HMCN1: variants seen among roughly 807,000 people sequenced by gnomAD.
The protein encoded by HMCN1 is hemicentin-1.
HMCN1 carries 321 observed loss-of-function variants against 625.9 expected under a neutral mutation model. The ratio of observed to expected loss-of-function variants is 0.51; its 90% CI spans 0.47 to 0.56. The LOEUF is 0.56. Among genes scored for constraint, HMCN1 ranks in the 20% least tolerant of loss-of-function variants. The pLI is 0.00. For missense variants in HMCN1, 6,588 were observed against 6,887.3 expected (o/e 0.96, Z 1.54); for synonymous variants, 2,425 against 2,417.6 (o/e 1.00, Z -0.09).
chr1:186,035,353 T>A (rs1283889906), intron 36 of HMCN1, among the ~76,000 whole-genome samples: 1 of 152,204 alleles, frequency 6.6e-6, no homozygotes, highest in Non-Finnish European at 1.5e-5. Flanking sequence ...CATCTACTTC[T>A]GAAAACAGAC....
At chr1:186,117,182 C>A (rs1380558278) in intron 76 of HMCN1, 67 bp downstream of exon 76, 51 of 1,573,654 alleles carry the variant, frequency 3.2e-5, no homozygotes, top group Non-Finnish European at 4.1e-5. Flanking sequence ...TACTACTTTA[C>A]AAAAGGGATC....
rs995087174 is a variant in HMCN1, at chr1:186,136,555, G to A, written c.13313-113G>A. The A allele has an allele frequency of 2.1e-5, 20 of 968,240 alleles. No individual in the cohort carries two copies. In the African/African-American group the frequency reaches 2.4e-4, roughly 12 times the overall value. 60.0% of individuals were successfully genotyped at this position (968,240 alleles called of 1,614,324 possible). ...ATAATCTTAGTTGGGAAGCAACAGTGTTTTATAAACAAATCAATCACTTTT... is the reference window on the plus strand; with the variant it reads ...ATAATCTTAGTTGGGAAGCAACAGTATTTTATAAACAAATCAATCACTTTT... On this transcript the variant is annotated intron_variant, in intron 86 of 106. Coordinates refer to ENST00000271588, the MANE Select transcript of HMCN1 (RefSeq NM_031935.3).
intron 95 of HMCN1, among the ~76,000 whole-genome samples, chr1:186,152,458 GAC>G (rs1303679038): frequency 6.6e-6 from 1 of 152,204 alleles, no homozygotes; most frequent in African/African-American, 2.4e-5. Flanking sequence ...GCCAGTCACA[GAC>G]AATTCATTTT....
chr1:185,755,456 T>C (rs1182390685), intron 1 of HMCN1, among the ~76,000 whole-genome samples: 1 of 152,212 alleles, frequency 6.6e-6, no homozygotes, highest in Non-Finnish European at 1.5e-5. Flanking sequence ...AGATCTTATC[T>C]GGAAGGCTGT....
At chr1:186,140,131 ATAC>A (rs1649862053) in intron 89 of HMCN1, among the ~76,000 whole-genome samples, 1 of 152,168 alleles carries the variant, frequency 6.6e-6, no homozygotes. Flanking sequence ...TTTAACATTG[ATAC>A]TACTATTATC....
rs930522732 is a variant in HMCN1 at position 186,096,636 on chromosome 1, A to G, written c.10573+1115A>G. Among the ~76,000 whole-genome samples the G allele has an allele frequency of 2.6e-5, 4 of 152,146 alleles. No individual in the cohort carries two copies. The South Asian group carries it at 6.2e-4, about 24-fold the overall frequency. On this transcript the variant is annotated intron_variant, in intron 68 of 106. Transcript: ENST00000271588. ...AATATCCCTTATCAACATAGTTGCA[A>G]AAATGCTCAACAAAATACTAGCAAA...
At chr1:185,827,171 CAAA>C (rs756416016) in intron 1 of HMCN1, among the ~76,000 whole-genome samples, 3 of 43,184 alleles carry the variant, frequency 6.9e-5, no homozygotes, top group Non-Finnish European at 1.6e-4. Context: ...GACTCCATCT[CAAA>C]AAAAAAAAAA....
rs2102473514 is a variant in HMCN1, at chr1:186,114,687, A to G, written c.11277-132A>G. On this transcript the variant is annotated intron_variant, in intron 73 of 106. Transcript: ENST00000271588. The stretch of plus-strand genomic sequence containing the variant: ...AGCCTTTTCTTCCACCAAGGGTATC[A>G]TAAACATGTGTCATCTGAAACAGGA... 5 of 1,057,014 alleles carry G rather than the reference A, an allele frequency of 4.7e-6. No homozygotes were observed. In the South Asian group the frequency reaches 6.5e-5, roughly 14 times the overall value. 65.5% of individuals were successfully genotyped at this position (1,057,014 alleles called of 1,614,324 possible). A position where few individuals can be genotyped will look rare whatever the true frequency, so the allele number is the denominator to read the frequency against.
At chr1:186,176,013 T>C (rs992102872) in intron 103 of HMCN1, among the ~76,000 whole-genome samples, 2 of 152,192 alleles carry the variant, frequency 1.3e-5, no homozygotes, top group Admixed American at 1.3e-4. Flanking sequence ...AATTTACTAT[T>C]TTATTCTACC....
chr1:186,124,100 C>A (rs1296842992), intron 81 of HMCN1, among the ~76,000 whole-genome samples: 1 of 152,028 alleles, frequency 6.6e-6, no homozygotes, highest in Non-Finnish European at 1.5e-5. Context: ...AAATAATACT[C>A]CTTCTTCTCA....
rs546992340 is a variant in HMCN1 at position 186,065,542 on chromosome 1, G to A, written c.7705+113G>A. 86 of 690,364 alleles carry A rather than the reference G, an allele frequency of 1.2e-4. No individual in the cohort carries two copies. In the South Asian group the frequency reaches 1.6e-3, roughly 13 times the overall value. The allele number at this position is 690,364 out of a possible 1,614,324, so 42.8% of individuals were successfully genotyped here. ...CCGTCGTAGAATTTCATCATGTAAG[G>A]AGGACCAGTGCTTGTGTACATTTAC... is the stretch of plus-strand genomic sequence containing the variant. On this transcript the variant is annotated intron_variant, in intron 49 of 106. Coordinates refer to ENST00000271588, the MANE Select transcript of HMCN1 (RefSeq NM_031935.3).
intron 97 of HMCN1, among the ~76,000 whole-genome samples, chr1:186,160,632 G>T (rs34107883): frequency 6.6e-6 from 1 of 151,746 alleles, no homozygotes; most frequent in Admixed American, 6.6e-5. Flanking sequence ...CTTTGTTTTC[G>T]TTGGTTTCAA....
At chr1:186,097,066 A>G (rs1195701926) in intron 68 of HMCN1, among the ~76,000 whole-genome samples, 2 of 152,150 alleles carry the variant, frequency 1.3e-5, no homozygotes, top group Non-Finnish European at 2.9e-5. Context: ...AATAAAAGAC[A>G]TCCAAATTCG....
At chr1:186,151,007 T>G (rs1322376) in intron 93 of HMCN1, among the ~76,000 whole-genome samples, 193 bp from the exon 94 acceptor site, 37,308 of 151,822 alleles carry the variant, frequency 0.25, 5,320 homozygotes, top group African/African-American at 0.39. Context: ...GATTTATGGG[T>G]GATGATGGTT....
At chr1:185,865,554 G>C (rs1312746628) in intron 3 of HMCN1, among the ~76,000 whole-genome samples, 187 bp from the exon 4 acceptor site, 1 of 147,802 alleles carries the variant, frequency 6.8e-6, no homozygotes, top group Non-Finnish European at 1.5e-5. Context: ...CTATTAAACA[G>C]AGTATAAAGT....
At chr1:186,137,422 G>T in intron 87 of HMCN1, 76 bp from the exon 88 acceptor site, 1 of 1,470,252 alleles carries the variant, frequency 6.8e-7, no homozygotes, top group Admixed American at 1.9e-5. Context: ...TGTAACCCGT[G>T]CATATCTTAA....
Position 186,076,418 on chromosome 1 carries a change from T to G in HMCN1, c.8291-10T>G, listed in dbSNP as rs762043503. The G allele has an allele frequency of 9.3e-6, 15 of 1,612,708 alleles. No homozygotes were observed. The highest frequency in any genetic ancestry group is 1.3e-5 in the Non-Finnish European group (15 of 1,179,178). On this transcript the variant is annotated splice_polypyrimidine_tract_variant and intron_variant, in intron 53 of 106. Coordinates refer to ENST00000271588, the MANE Select transcript of HMCN1 (RefSeq NM_031935.3). ...ATATGTGACCAACATTTAATGCCTT[T>G]CCTCCATAGTTCCTCCAAGTTTTCA...
intron 2 of HMCN1, among the ~76,000 whole-genome samples, chr1:185,847,411 T>C (rs1661890056): frequency 1.3e-5 from 2 of 152,192 alleles, no homozygotes; most frequent in African/African-American, 4.8e-5. Context: ...CCAAATCTTA[T>C]TCACTCTCTT....
intron 104 of HMCN1, among the ~76,000 whole-genome samples, 194 bp from the exon 105 acceptor site, chr1:186,181,974 T>C (rs986912878): frequency 3.9e-5 from 6 of 152,216 alleles, no homozygotes; most frequent in Non-Finnish European, 7.3e-5. Flanking sequence ...ACTGTGTATA[T>C]AGTACTATAT....
Sources: allele counts gnomAD v4.1 joint callset (sites outside exome capture counted in the v4.1 genomes callset), GRCh38; gene constraint gnomAD v4.1.1; transcripts MANE v1.5; gene names NCBI Gene and HGNC (gene_info 2026-07-23, HGNC 2026-07-21).